Variants in NR1I2 observed in about 807,000 individuals in gnomAD.
NR1I2 encodes orphan nuclear receptor PAR1.
NR1I2 carries 42 observed loss-of-function variants against 43.3 expected under a neutral mutation model. The ratio of observed to expected loss-of-function variants is 0.97; its 90% CI spans 0.76 to 1.26. The LOEUF (loss-of-function observed/expected upper bound fraction) is 1.26, where lower values mean the gene tolerates loss of function less well. Among genes scored for constraint, NR1I2 ranks in the 50% most tolerant of loss-of-function variants. The pLI is 0.00. For synonymous variants in NR1I2, 229 were observed against 215.0 expected (o/e 1.06, Z -0.57); for missense variants, 559 against 566.7 (o/e 0.99, Z 0.14).
At chr3:119,814,450 C>T (rs1267719059) in intron 5 of NR1I2, among the ~76,000 whole-genome samples, 2 of 152,182 alleles carry the variant, frequency 1.3e-5, no homozygotes, top group African/African-American at 4.8e-5. Context: ...AACCCAACAC[C>T]GACAGCAGGA....
Position 119,817,376 on chromosome 3 carries a change from G to A in NR1I2, c.*164G>A, listed in dbSNP as rs991704560. 1 of 1,501,352 alleles carries A rather than the reference G, an allele frequency of 6.7e-7. No individual in the cohort carries two copies. Among genetic ancestry groups the A allele is most frequent in the Admixed American group, 2.0e-5 (1 of 49,460 alleles). 93.0% of individuals were successfully genotyped at this position (1,501,352 alleles called of 1,614,324 possible). A position where few individuals can be genotyped will look rare whatever the true frequency, so the allele number is the denominator to read the frequency against. On this transcript the variant is annotated 3_prime_UTR_variant, in exon 9 of 9. Coordinates refer to ENST00000393716, the MANE Select transcript of NR1I2 (RefSeq NM_003889.4). ...ATGACAGCTGGCTAGCATTCCTCAG[G>A]AAGGACATGGGTGCCCCCCACCCCC...
intron 1 of NR1I2, among the ~76,000 whole-genome samples, chr3:119,787,924 C>G (rs1312200650): frequency 6.6e-6 from 1 of 151,938 alleles, no homozygotes; most frequent in Non-Finnish European, 1.5e-5. Flanking sequence ...CATTTACCCC[C>G]TTTTACTTAG....
chr3:119,788,975 A>G (rs1345536743), intron 1 of NR1I2, among the ~76,000 whole-genome samples: 1 of 152,182 alleles, frequency 6.6e-6, no homozygotes, highest in Non-Finnish European at 1.5e-5. Flanking sequence ...GAGATGCTGA[A>G]GCTCAGACCC....
intron 3 of NR1I2, chr3:119,810,978 C>T (rs1328462148): frequency 6.5e-6 from 1 of 153,578 alleles, no homozygotes; most frequent in Admixed American, 6.4e-5. Flanking sequence ...AGCTGTAGCC[C>T]AGCTCTCTAG....
chr3:119,815,255 G>T (rs759506424), intron 6 of NR1I2, 68 bp from the exon 7 acceptor site: 5 of 1,562,686 alleles, frequency 3.2e-6, no homozygotes, highest in Non-Finnish European at 3.5e-6. Flanking sequence ...ACAAGATATT[G>T]GTGAGGGATG....
chr3:119,817,030 G>A lies in NR1I2; in HGVS notation c.1161-38G>A, dbSNP rs750822419. ...AGCCCTGAGGCTTGTGGGTCAGGGC[G>A]GGCTGCACCCACAATCTTTTCTCTG... On this transcript the variant is annotated intron_variant, in intron 8 of 8. Transcript: ENST00000393716. 17 of 1,613,638 alleles carry A rather than the reference G, an allele frequency of 1.1e-5. 1 individual carries two copies. Among genetic ancestry groups the A allele is most frequent in the South Asian group, 4.4e-5 (4 of 90,932 alleles).
intron 1 of NR1I2, among the ~76,000 whole-genome samples, chr3:119,794,792 A>G (rs1394375917): frequency 6.6e-6 from 1 of 152,066 alleles, no homozygotes; most frequent in East Asian, 1.9e-4. Flanking sequence ...TACAAAATTA[A>G]TCTGGTGTAG....
chr3:119,816,163 T>A (rs2055325659), intron 8 of NR1I2, among the ~76,000 whole-genome samples: 1 of 152,222 alleles, frequency 6.6e-6, no homozygotes, highest in Non-Finnish European at 1.5e-5. Flanking sequence ...ACACTGAGTA[T>A]TATAGTGTGA....
Position 119,817,699 on chromosome 3 carries a change from G to A in NR1I2, c.*487G>A. 1.8e-6 allele frequency: 2 copies of A among 1,108,704 alleles called. No homozygotes were observed. The highest frequency in any genetic ancestry group is 2.2e-6 in the Non-Finnish European group (2 of 900,782). 68.7% of individuals were successfully genotyped at this position (1,108,704 alleles called of 1,614,324 possible). On this transcript the variant is annotated 3_prime_UTR_variant, in exon 9 of 9. Coordinates refer to ENST00000393716, the MANE Select transcript of NR1I2 (RefSeq NM_003889.4). Reference sequence around the variant, plus strand: ...ACTCGTTCCCCTCCTCTTCCGAGCTGCTTTGTGGGCTCCAGGCCTGTACTC... The same window carrying A: ...ACTCGTTCCCCTCCTCTTCCGAGCTACTTTGTGGGCTCCAGGCCTGTACTC...
rs1351775615 is a variant in NR1I2, at chr3:119,811,691, T to G, written c.484T>G (p.Phe162Val). 27 of 1,613,056 alleles carry G rather than the reference T, an allele frequency of 1.7e-5. No homozygotes were observed. Among genetic ancestry groups the G allele is most frequent in the Non-Finnish European group, 2.3e-5 (27 of 1,179,584 alleles). ...GCTGATGGACGCTCAGATGAAAACC[T>G]TTGACACTACCTTCTCCCATTTCAA... The change falls in exon 4 of 9, where the codon TTT becomes GTT. Residue 162 changes from phenylalanine (F) to valine (V), a missense_variant. Coordinates refer to ENST00000393716, the MANE Select transcript of NR1I2 (RefSeq NM_003889.4).
chr3:119,790,675 T>C (rs1417269140), intron 1 of NR1I2, among the ~76,000 whole-genome samples: 2 of 152,254 alleles, frequency 1.3e-5, no homozygotes, highest in African/African-American at 4.8e-5. Flanking sequence ...TACTTTTTCA[T>C]GTGCTTGTTG....
chr3:119,818,313 G>T lies in NR1I2; in HGVS notation c.*1101G>T, dbSNP rs1478980450. 33 of 985,240 alleles carry T rather than the reference G, an allele frequency of 3.3e-5. No homozygotes were observed. The highest frequency in any genetic ancestry group is 1.1e-4 in the East Asian group (1 of 8,826). 61.0% of individuals were successfully genotyped at this position (985,240 alleles called of 1,614,324 possible). On this transcript the variant is annotated 3_prime_UTR_variant, in exon 9 of 9. Transcript: ENST00000393716. ...ACACATCTATTCTCAAAGCTAAAGG[G>T]TATGAAAGTGCCTGCCTTGTTTATA... is the stretch of plus-strand genomic sequence containing the variant.
In NR1I2 at chr3:119,817,376, G is replaced by T. The variant is rs991704560; in HGVS notation, c.*164G>T. ...ATGACAGCTGGCTAGCATTCCTCAGGAAGGACATGGGTGCCCCCCACCCCC... is the reference window on the plus strand; with the variant it reads ...ATGACAGCTGGCTAGCATTCCTCAGTAAGGACATGGGTGCCCCCCACCCCC... On this transcript the variant is annotated 3_prime_UTR_variant, in exon 9 of 9. Coordinates refer to ENST00000393716, the MANE Select transcript of NR1I2 (RefSeq NM_003889.4). 4 of 1,501,352 alleles carry T rather than the reference G, an allele frequency of 2.7e-6. No homozygotes were observed. Among genetic ancestry groups the T allele is most frequent in the Non-Finnish European group, 3.5e-6 (4 of 1,127,924 alleles). 93.0% of individuals were successfully genotyped at this position (1,501,352 alleles called of 1,614,324 possible).
chr3:119,797,702 C>T (rs2055020851), intron 1 of NR1I2, among the ~76,000 whole-genome samples: 1 of 152,072 alleles, frequency 6.6e-6, no homozygotes, highest in African/African-American at 2.4e-5. Context: ...ACATATTTAC[C>T]CTTTTTAGTT....
At chr3:119,784,966 C>T (rs2054824458) in intron 1 of NR1I2, among the ~76,000 whole-genome samples, 1 of 152,132 alleles carries the variant, frequency 6.6e-6, no homozygotes, top group African/African-American at 2.4e-5. Flanking sequence ...GTTATAAAAG[C>T]TTATCAGTTG....
At chr3:119,790,105 C>A (rs369050332) in intron 1 of NR1I2, among the ~76,000 whole-genome samples, 8 of 152,306 alleles carry the variant, frequency 5.3e-5, no homozygotes, top group African/African-American at 1.9e-4. Context: ...ACCCCACAGC[C>A]CCTGGCAACC....
intron 1 of NR1I2, among the ~76,000 whole-genome samples, chr3:119,796,456 A>G (rs1357001363): frequency 6.6e-6 from 1 of 152,072 alleles, no homozygotes; most frequent in South Asian, 2.1e-4. Flanking sequence ...GCTGCTTCGC[A>G]TCCCTTCCTT....
intron 8 of NR1I2, among the ~76,000 whole-genome samples, chr3:119,816,141 G>A (rs2055325363): frequency 6.6e-6 from 1 of 152,190 alleles, no homozygotes; most frequent in African/African-American, 2.4e-5. Flanking sequence ...AGGCCATGAA[G>A]GGTTAAGGCC....
chr3:119,810,313 T>A, intron 3 of NR1I2, 119 bp downstream of exon 3: 2 of 1,411,040 alleles, frequency 1.4e-6, no homozygotes, highest in Non-Finnish European at 9.5e-7. Context: ...TGAACACACG[T>A]GCACATGTGA....
Sources: gnomAD v4.1 joint callset for allele counts (sites outside exome capture counted in the v4.1 genomes callset) on GRCh38, gnomAD v4.1.1 for gene constraint, MANE v1.5 for transcripts, NCBI Gene and HGNC (gene_info 2026-07-23, HGNC 2026-07-21) for gene names.